Variants in MAP4K4 observed in about 807,000 individuals in gnomAD.
MAP4K4 encodes mitogen-activated protein kinase kinase kinase kinase 4.
In MAP4K4, 38 loss-of-function variants were observed where a neutral mutation model predicts 189.6. The observed-to-expected ratio is 0.20, with a 90% CI of 0.15 to 0.26. MAP4K4 has a LOEUF of 0.26. Among genes scored for constraint, MAP4K4 ranks in the 10% least tolerant of loss-of-function variants. MAP4K4 has a pLI of 1.00. For synonymous variants in MAP4K4, 610 were observed against 624.3 expected (o/e 0.98, Z 0.34); for missense variants, 1,054 against 1,726.9 (o/e 0.61, Z 6.91).
Position 101,834,257 on chromosome 2 carries a change from G to A in MAP4K4, c.640-152G>A, listed in dbSNP as rs186318822. On this transcript the variant is annotated intron_variant, in intron 7 of 32. Transcript: ENST00000324219. Reference sequence around the variant, plus strand: ...CCCTTCCTCCCCTCCCCTCCCCTCCGCTCCGTAAGTTCTACAAATGTGCTT... The same window carrying A: ...CCCTTCCTCCCCTCCCCTCCCCTCCACTCCGTAAGTTCTACAAATGTGCTT... 2.7e-3 allele frequency among the ~76,000 whole-genome samples: 314 copies of A among 116,536 alleles called. 2 individuals carry two copies. The highest frequency in any genetic ancestry group is 4.3e-3 in the Non-Finnish European group (242 of 55,856). The allele number at this position is 116,536 out of a possible 152,430, so 76.5% of individuals were successfully genotyped here. A position where few individuals can be genotyped will look rare whatever the true frequency, so the allele number is the denominator to read the frequency against.
At chr2:101,836,140 A>G (rs2096744103) in intron 9 of MAP4K4, among the ~76,000 whole-genome samples, 162 bp downstream of exon 9, 1 of 152,162 alleles carries the variant, frequency 6.6e-6, no homozygotes, top group African/African-American at 2.4e-5. Flanking sequence ...ATTTTTTTTA[A>G]ATGAGATTTT....
intron 2 of MAP4K4, among the ~76,000 whole-genome samples, chr2:101,729,077 G>GGAGAGA (rs1553512625): frequency 7.8e-6 from 1 of 128,676 alleles, no homozygotes; most frequent in South Asian, 2.5e-4. Flanking sequence ...ATTAGAGAGA[G>GGAGAGA]GAGAGAGAGA....
chr2:101,765,630 A>G (rs1434357665), intron 2 of MAP4K4, among the ~76,000 whole-genome samples: 1 of 152,180 alleles, frequency 6.6e-6, no homozygotes, highest in Non-Finnish European at 1.5e-5. Context: ...TGTACTTAGA[A>G]ATGAAGTATC....
intron 2 of MAP4K4, among the ~76,000 whole-genome samples, chr2:101,739,276 GTTGCCTT>G (rs1350089659): frequency 6.6e-6 from 1 of 152,162 alleles, no homozygotes; most frequent in African/African-American, 2.4e-5. Context: ...TGTTACTTCT[GTTGCCTT>G]CAGGTTACAG....
chr2:101,720,200 T>G (rs1180105463), intron 2 of MAP4K4, among the ~76,000 whole-genome samples: 1 of 120,632 alleles, frequency 8.3e-6, no homozygotes, highest in Non-Finnish European at 1.7e-5. Context: ...TTTTTTTTTT[T>G]GAGACCCCTG....
chr2:101,705,658 A>C (rs1019954280), intron 2 of MAP4K4, among the ~76,000 whole-genome samples: 3 of 152,242 alleles, frequency 2.0e-5, no homozygotes, highest in Admixed American at 6.5e-5. Context: ...AAAGTATAAG[A>C]AACTCAGGTG....
chr2:101,882,237 A>G (rs1163033327), intron 27 of MAP4K4, among the ~76,000 whole-genome samples: 2 of 152,212 alleles, frequency 1.3e-5, no homozygotes, highest in African/African-American at 4.8e-5. Context: ...AACACACGTT[A>G]TTACTGGTGA....
At chr2:101,883,710 T>G (rs1294362119) in intron 28 of MAP4K4, among the ~76,000 whole-genome samples, 1 of 152,168 alleles carries the variant, frequency 6.6e-6, no homozygotes, top group African/African-American at 2.4e-5. Context: ...GTGTTTTCTT[T>G]TTTCTATGTT....
intron 2 of MAP4K4, among the ~76,000 whole-genome samples, chr2:101,756,591 G>A (rs1477643368): frequency 1.3e-5 from 2 of 152,076 alleles, no homozygotes; most frequent in East Asian, 3.9e-4. Flanking sequence ...GCTTCACTTT[G>A]TTGCTTATGC....
At chr2:101,767,301 G>T (rs2079040425) in intron 2 of MAP4K4, among the ~76,000 whole-genome samples, 1 of 152,148 alleles carries the variant, frequency 6.6e-6, no homozygotes, top group Non-Finnish European at 1.5e-5. Context: ...ACACATACTT[G>T]CAAATATGTT....
At chr2:101,877,688 G>A (rs2098247082) in intron 27 of MAP4K4, among the ~76,000 whole-genome samples, 3 of 151,898 alleles carry the variant, frequency 2.0e-5, no homozygotes, top group South Asian at 2.1e-4. Flanking sequence ...TATTGTAAAA[G>A]TATTGTATTA....
At chr2:101,784,300 G>T (rs2089510480) in intron 2 of MAP4K4, among the ~76,000 whole-genome samples, 1 of 151,162 alleles carries the variant, frequency 6.6e-6, no homozygotes, top group South Asian at 2.1e-4. Flanking sequence ...GTGTGTGTGT[G>T]TGTGTGTGTT....
intron 3 of MAP4K4, among the ~76,000 whole-genome samples, chr2:101,816,140 G>A (rs2095699019): frequency 6.6e-6 from 1 of 152,168 alleles, no homozygotes. Context: ...GAGTCTGCAT[G>A]TGTTTCCCAA....
intron 13 of MAP4K4, among the ~76,000 whole-genome samples, chr2:101,857,288 C>A (rs2097502714): frequency 6.6e-6 from 1 of 151,874 alleles, no homozygotes; most frequent in Admixed American, 6.6e-5. Flanking sequence ...TTTCCCTGTT[C>A]TATTGTGAAA....
At chr2:101,800,035 T>G (rs1373168350) in intron 3 of MAP4K4, among the ~76,000 whole-genome samples, 2 of 152,112 alleles carry the variant, frequency 1.3e-5, no homozygotes, top group African/African-American at 4.8e-5. Context: ...ACAGCACCCT[T>G]CATTCACGTG....
At chr2:101,701,144 T>G in intron 2 of MAP4K4, among the ~76,000 whole-genome samples, 1 of 152,226 alleles carries the variant, frequency 6.6e-6, no homozygotes, top group East Asian at 1.9e-4. Context: ...GCTGAACAAC[T>G]TGTCCTAATT....
chr2:101,859,056 C>G (rs2097558493), exon 14 of MAP4K4: 2 of 1,611,776 alleles, frequency 1.2e-6, no homozygotes, highest in Non-Finnish European at 1.7e-6. Flanking sequence ...TCAGCAGCAG[C>G]TGCTCCAGGA....
At position 101,787,969 on chromosome 2, in the gene MAP4K4, A is replaced by T. The variant is rs1411180602; in HGVS notation, c.124-2751A>T. Reference sequence around the variant, plus strand: ...CAGGTGCACGCCACCACACTGGGCTAATTTTTGTATTTTTAGTGGATTCGG... The same window carrying T: ...CAGGTGCACGCCACCACACTGGGCTTATTTTTGTATTTTTAGTGGATTCGG... On this transcript the variant is annotated intron_variant, in intron 2 of 32. Transcript: ENST00000324219. Among the ~76,000 whole-genome samples the T allele has an allele frequency of 2.0e-5, 3 of 151,872 alleles. No individual in the cohort carries two copies. The East Asian group carries it at 5.8e-4, about 30-fold the overall frequency.
Position 101,870,422 on chromosome 2 carries a change from G to C in MAP4K4, c.2760+7G>C, listed in dbSNP as rs76169061. 8 of 1,613,254 alleles carry C rather than the reference G, an allele frequency of 5.0e-6. No homozygotes were observed. Among genetic ancestry groups the C allele is most frequent in the Non-Finnish European group, 5.9e-6 (7 of 1,179,656 alleles). On this transcript the variant is annotated splice_region_variant and intron_variant, in intron 23 of 32. Coordinates refer to ENST00000324219, the Ensembl canonical transcript of MAP4K4. The stretch of plus-strand genomic sequence containing the variant: ...CACTCTAATCGTCCGCCAGGTACCC[G>C]TGTCTTCTCTGTTGTCAGAGGCTGA...
Sources: gnomAD v4.1 joint callset for allele counts (sites outside exome capture counted in the v4.1 genomes callset) on GRCh38, gnomAD v4.1.1 for gene constraint, MANE v1.5 for transcripts, NCBI Gene and HGNC (gene_info 2026-07-23, HGNC 2026-07-21) for gene names.